Variants in L3MBTL4 observed in about 807,000 individuals in gnomAD.
L3MBTL4 encodes lethal(3)malignant brain tumor-like protein 4.
Under a neutral mutation model 84.5 loss-of-function variants are expected in L3MBTL4, and 70 were observed. The observed-to-expected ratio is 0.83, with a 90% CI of 0.68 to 1.01. L3MBTL4 has a LOEUF of 1.01. L3MBTL4 is among the 50% of genes least tolerant of loss of function. L3MBTL4 has a pLI of 0.00. For synonymous variants in L3MBTL4, 274 were observed against 259.8 expected (o/e 1.05, Z -0.52); for missense variants, 715 against 754.8 (o/e 0.95, Z 0.62).
intron 16 of L3MBTL4, among the ~76,000 whole-genome samples, chr18:5,997,286 C>T (rs566470588): frequency 1.3e-5 from 2 of 150,454 alleles, no homozygotes; most frequent in Admixed American, 6.6e-5. Context: ...CAGGCAAACT[C>T]GCCTCCCATC....
intron 1 of L3MBTL4, among the ~76,000 whole-genome samples, chr18:6,349,229 A>G (rs1599734007): frequency 6.6e-6 from 1 of 152,376 alleles, no homozygotes; most frequent in Middle Eastern, 3.4e-3. Context: ...ACCAAAAGAC[A>G]TATATAATAA....
intron 1 of L3MBTL4, among the ~76,000 whole-genome samples, chr18:6,331,428 GCC>G (rs1209620826): frequency 6.6e-6 from 1 of 151,964 alleles, no homozygotes; most frequent in African/African-American, 2.4e-5. Context: ...TAACAAAACT[GCC>G]CCATAGCAAT....
chr18:6,046,695 T>A, intron 16 of L3MBTL4: 1 of 759,656 alleles, frequency 1.3e-6, no homozygotes, highest in Non-Finnish European at 2.4e-6. Context: ...AAAAAAAGTC[T>A]TTGAAATAAA....
At chr18:6,251,066 A>T (rs2047903631) in intron 5 of L3MBTL4, among the ~76,000 whole-genome samples, 1 of 152,264 alleles carries the variant, frequency 6.6e-6, no homozygotes, top group Non-Finnish European at 1.5e-5. Flanking sequence ...AAAATCAATC[A>T]TGCTATCAGT....
intron 16 of L3MBTL4, among the ~76,000 whole-genome samples, chr18:6,049,668 G>A (rs1306013948): frequency 1.3e-5 from 2 of 152,104 alleles, no homozygotes; most frequent in East Asian, 3.9e-4. Context: ...TAAATATCAC[G>A]TACTCATGGA....
At chr18:5,970,736 T>G (rs1374759709) in intron 16 of L3MBTL4, among the ~76,000 whole-genome samples, 1 of 152,276 alleles carries the variant, frequency 6.6e-6, no homozygotes, top group Non-Finnish European at 1.5e-5. Context: ...ATGATGGTTT[T>G]TGTTTTACTA....
chr18:6,102,363 T>G (rs529632334), intron 14 of L3MBTL4, among the ~76,000 whole-genome samples: 1 of 152,310 alleles, frequency 6.6e-6, no homozygotes, highest in African/African-American at 2.4e-5. Context: ...CTCATCTCAC[T>G]CCCTTAATCA....
At chr18:6,267,042 A>C (rs2048665655) in intron 4 of L3MBTL4, among the ~76,000 whole-genome samples, 2 of 152,156 alleles carry the variant, frequency 1.3e-5, no homozygotes. Context: ...CACTAAAGTG[A>C]GTAAAATCTG....
At chr18:6,345,244 A>T (rs2143622603) in intron 1 of L3MBTL4, among the ~76,000 whole-genome samples, 1 of 150,468 alleles carries the variant, frequency 6.6e-6, no homozygotes, top group South Asian at 2.1e-4. Context: ...AAAGAAAAAA[A>T]AAAAGAGCCG....
chr18:6,072,176 G>T (rs1034915889), intron 16 of L3MBTL4, among the ~76,000 whole-genome samples: 4 of 151,958 alleles, frequency 2.6e-5, no homozygotes, highest in Non-Finnish European at 5.9e-5. Flanking sequence ...TATAATAAAA[G>T]GAAAACCAGG....
intron 1 of L3MBTL4, among the ~76,000 whole-genome samples, chr18:6,332,799 T>C (rs1474084910): frequency 6.6e-6 from 1 of 152,216 alleles, no homozygotes; most frequent in Non-Finnish European, 1.5e-5. Context: ...TAACTTCCCT[T>C]TTCTGGTTCA....
intron 3 of L3MBTL4, among the ~76,000 whole-genome samples, chr18:6,303,823 G>T (rs2050449540): frequency 6.6e-6 from 1 of 152,022 alleles, no homozygotes. Context: ...GACCAGCCTG[G>T]CCAACATACT....
intron 16 of L3MBTL4, among the ~76,000 whole-genome samples, chr18:6,071,737 G>C: frequency 1.5e-5 from 1 of 67,892 alleles, no homozygotes; most frequent in South Asian, 4.7e-4. Flanking sequence ...AGGAAAGAAA[G>C]AAGGAAGGAA....
At chr18:6,031,554 A>T in intron 16 of L3MBTL4, 1 of 962,538 alleles carries the variant, frequency 1.0e-6, no homozygotes, top group South Asian at 4.8e-5. Context: ...TGGGCCGGTC[A>T]GTTCTGATTT....
intron 14 of L3MBTL4, among the ~76,000 whole-genome samples, chr18:6,137,245 C>G (rs1341300492): frequency 6.6e-6 from 1 of 152,170 alleles, no homozygotes; most frequent in East Asian, 1.9e-4. Context: ...GTCTTCATGT[C>G]TTTCTTTTTT....
intron 12 of L3MBTL4, among the ~76,000 whole-genome samples, chr18:6,190,101 A>G (rs1219002329): frequency 6.6e-6 from 1 of 152,240 alleles, no homozygotes; most frequent in East Asian, 1.9e-4. Flanking sequence ...ACATTAAGGC[A>G]AAAACAAAAG....
At chr18:6,316,027 C>T (rs1263855622) in intron 1 of L3MBTL4, among the ~76,000 whole-genome samples, 3 of 151,936 alleles carry the variant, frequency 2.0e-5, no homozygotes, top group Admixed American at 6.6e-5. Context: ...TAAACAGTTA[C>T]GTCACTCTCA....
intron 16 of L3MBTL4, among the ~76,000 whole-genome samples, chr18:6,069,605 G>A (rs2057513816): frequency 6.6e-6 from 1 of 152,100 alleles, no homozygotes; most frequent in Non-Finnish European, 1.5e-5. Context: ...TGTGAGGATT[G>A]GGAGGTGGTT....
At chr18:6,168,908 A>G (rs528898685) in intron 13 of L3MBTL4, among the ~76,000 whole-genome samples, 1,684 of 152,322 alleles carry the variant, frequency 0.011, 48 homozygotes, top group African/African-American at 0.038. Flanking sequence ...AGAATGGGAG[A>G]AAATTTTTGC....
Sources: allele counts gnomAD v4.1 joint callset (sites outside exome capture counted in the v4.1 genomes callset), GRCh38; gene constraint gnomAD v4.1.1; transcripts MANE v1.5; gene names NCBI Gene and HGNC (gene_info 2026-07-23, HGNC 2026-07-21).